The following CTAGE1 variants were observed in gnomAD, a reference collection of about 807,000 sequenced individuals.
The protein encoded by CTAGE1 is cutaneous T cell lymphoma-associated antigen 1.
For missense variants in CTAGE1, 963 were observed against 855.9 expected (o/e 1.13, Z -1.56); for synonymous variants, 332 against 302.8 (o/e 1.10, Z -1.00).
Position 22,415,631 on chromosome 18 carries a change from A to T in CTAGE1, c.2181T>A (p.Gly727=). The T allele has an allele frequency of 6.2e-7, 1 of 1,613,486 alleles. No homozygotes were observed. Among genetic ancestry groups the T allele is most frequent in the Non-Finnish European group, 8.5e-7 (1 of 1,179,868 alleles). Residue 727 remains glycine (G), a synonymous_variant, in exon 1 of 1, where the codon GGT becomes GGA. Coordinates refer to ENST00000391403, the MANE Select transcript of CTAGE1 (RefSeq NM_172241.3). ...FAMRNVYLPR[G]FLPYRPPRPA... is the part of the protein sequence containing the mutation. ...GTCTTGGGGGACGGTAAGGAAGAAA[A>T]CCTCTCGGTAAATAGACATTTCTCA... is the stretch of plus-strand genomic sequence containing the variant.
rs755487694 is a variant in CTAGE1, at chr18:22,417,762, C to T, written c.50G>A (p.Arg17His). ...AGCAAAAAATCCAGCAACAGCTGCA[C>T]GTATCACCAATTCCCATGGAAAACC... ...PYGFPWELVI[R>H]AAVAGFFAVL... Residue 17 changes from arginine (R) to histidine (H), a missense_variant, in exon 1 of 1, where the codon CGT becomes CAT. Transcript: ENST00000391403. 23 of 1,614,146 alleles carry T rather than the reference C, an allele frequency of 1.4e-5. No individual in the cohort carries two copies. The Admixed American group carries it at 2.2e-4, about 15-fold the overall frequency.
chr18:22,416,243 T>C lies in CTAGE1; in HGVS notation c.1569A>G (p.Gly523=). The C allele has an allele frequency of 6.2e-7, 1 of 1,613,832 alleles. No individual in the cohort carries two copies. The highest frequency in any genetic ancestry group is 8.5e-7 in the Non-Finnish European group (1 of 1,179,832). Residue 523 remains glycine, a synonymous_variant, in exon 1 of 1, where the codon GGA becomes GGG. Transcript: ENST00000391403. ...PLRLSPLLPR[G]GGRGSRGPGN... is the part of the protein sequence containing the mutation. Reference sequence around the variant, plus strand: ...CTGGGCCTCTGGAGCCTCTTCCTCCTCCCCGTGGAAGCAAAGGTGAGAGTC... The same window carrying C: ...CTGGGCCTCTGGAGCCTCTTCCTCCCCCCCGTGGAAGCAAAGGTGAGAGTC...
Position 22,414,356 on chromosome 18 carries a change from T to A in CTAGE1, c.*1218A>T, listed in dbSNP as rs889309267. On this transcript the variant is annotated 3_prime_UTR_variant, in exon 1 of 1. Transcript: ENST00000391403. The stretch of plus-strand genomic sequence containing the variant: ...CCCAGTGTACAATAAGGGCACCTCA[T>A]GTCTCAAATAGTTACTTTTCTTTTA... 5 of 304,746 alleles carry A rather than the reference T, an allele frequency of 1.6e-5. No individual in the cohort carries two copies. Among genetic ancestry groups the A allele is most frequent in the Non-Finnish European group, 3.0e-5 (5 of 165,714 alleles). 18.9% of individuals were successfully genotyped at this position (304,746 alleles called of 1,614,324 possible).
In CTAGE1 at chr18:22,416,330, A is replaced by AC; in HGVS notation, c.1481dup (p.Trp495LeufsTer5). On this transcript the variant is annotated frameshift_variant, in exon 1 of 1. Transcript: ENST00000391403. LOFTEE classifies it low-confidence loss of function (END_TRUNC). ...AAGCTCTCGTTTCAGATGAAGGCCA[A>AC]CCCAATGGTGAGGGACCATATGGGG... 1 of 1,613,994 alleles carries AC rather than the reference A, an allele frequency of 6.2e-7. No individual in the cohort carries two copies.
chr18:22,415,872 G>C lies in CTAGE1; in HGVS notation c.1940C>G (p.Ser647Ter). Residue 647 changes from serine to a stop codon, truncating the protein, a stop_gained, in exon 1 of 1, where the codon TCA (serine) becomes TGA (stop). Coordinates refer to ENST00000391403, the MANE Select transcript of CTAGE1 (RefSeq NM_172241.3). LOFTEE classifies it low-confidence loss of function (END_TRUNC). ...DNLGNLKVPDSSLPAENEATG... is the reference protein window; with the variant it reads ...DNLGNLKVPD ...TGCTTCATTTTCAGCGGGGAGAGATGAATCAGGCACCTTTAAATTACCAAG... is the reference window on the plus strand; with the variant it reads ...TGCTTCATTTTCAGCGGGGAGAGATCAATCAGGCACCTTTAAATTACCAAG... 1 of 1,613,924 alleles carries C rather than the reference G, an allele frequency of 6.2e-7. No individual in the cohort carries two copies. Among genetic ancestry groups the C allele is most frequent in the Non-Finnish European group, 8.5e-7 (1 of 1,179,854 alleles).
chr18:22,415,027 TA>T lies in CTAGE1; in HGVS notation c.*546del, dbSNP rs1225749206. The T allele has an allele frequency of 5.6e-6, 3 of 537,820 alleles. No individual in the cohort carries two copies. In the African/African-American group the frequency reaches 5.7e-5, roughly 10 times the overall value. 33.3% of individuals were successfully genotyped at this position (537,820 alleles called of 1,614,324 possible). A position where few individuals can be genotyped will look rare whatever the true frequency, so the allele number is the denominator to read the frequency against. On this transcript the variant is annotated 3_prime_UTR_variant, in exon 1 of 1. Transcript: ENST00000391403. The stretch of plus-strand genomic sequence containing the variant: ...CAGGAGATCCAAGATCATCTTGGTT[TA>T]AAGTGAAATATTCTAACAGTTACAT...
Position 22,416,749 on chromosome 18 carries a change from T to G in CTAGE1, c.1063A>C (p.Met355Leu), listed in dbSNP as rs1469499133. The G allele has an allele frequency of 6.2e-7, 1 of 1,612,640 alleles. No individual in the cohort carries two copies. The highest frequency in any genetic ancestry group is 1.1e-5 in the South Asian group (1 of 90,660). ...NQKLQQKLKV[M>L]TELYQENEMK... ...TCATTTTCTTGATATAATTCAGTCA[T>G]TACTTTAAGTTTCTGCTGAAGCTTC... The change falls in exon 1 of 1, where the codon ATG becomes CTG. Residue 355 changes from methionine to leucine, a missense_variant. Coordinates refer to ENST00000391403, the MANE Select transcript of CTAGE1 (RefSeq NM_172241.3).
At position 22,417,488 on chromosome 18, in the gene CTAGE1, A is replaced by G. The variant is rs1230896949; in HGVS notation, c.324T>C (p.Asn108=). 1.9e-6 allele frequency: 3 copies of G among 1,613,852 alleles called. No individual in the cohort carries two copies. The African/African-American group carries it at 4.0e-5, about 22-fold the overall frequency. The change falls in exon 1 of 1, where the codon AAT becomes AAC. Residue 108 remains asparagine, a synonymous_variant. Transcript: ENST00000391403. ...AGAGTATTTCATGCACAAGTTCAGA[A>G]TTGAACCTGTTCAGCTTTTCGCAGG... ...EATCEKLNRF[N]SELVHEILCL...
In CTAGE1 at chr18:22,415,817, A is replaced by G; in HGVS notation, c.1995T>C (p.Leu665=). Residue 665 remains leucine (L), a synonymous_variant, in exon 1 of 1, where the codon CTT becomes CTC. Transcript: ENST00000391403. ...ATGPGFVPPP[L]APIRGLLFPV... is the part of the protein sequence containing the mutation. Reference sequence around the variant, plus strand: ...GAAACAATAAACCTCTGATTGGAGCAAGAGGTGGAGGAACAAAGCCAGGGC... The same window carrying G: ...GAAACAATAAACCTCTGATTGGAGCGAGAGGTGGAGGAACAAAGCCAGGGC... The G allele has an allele frequency of 1.2e-6, 2 of 1,613,968 alleles. No individual in the cohort carries two copies. The highest frequency in any genetic ancestry group is 8.5e-7 in the Non-Finnish European group (1 of 1,179,858).
rs1225510913 is a variant in CTAGE1, at chr18:22,414,252, T to C, written c.*1322A>G. The C allele has an allele frequency of 4.4e-5, 7 of 157,332 alleles. No homozygotes were observed. Among genetic ancestry groups the C allele is most frequent in the Non-Finnish European group, 9.8e-5 (7 of 71,748 alleles). The allele number at this position is 157,332 out of a possible 1,614,324, so 9.7% of individuals were successfully genotyped here. On this transcript the variant is annotated 3_prime_UTR_variant, in exon 1 of 1. Transcript: ENST00000391403. ...GGAGTTAAATTTTTCCACTAGCAAA[T>C]AGGGCTTTAACAGAACAGAAGCATA...
chr18:22,417,835 C>T lies in CTAGE1; in HGVS notation c.-24G>A, dbSNP rs1179647705. On this transcript the variant is annotated 5_prime_UTR_variant, in exon 1 of 1. Transcript: ENST00000391403. ...ATACCTTCAGTCAGTGCTGCCACAA[C>T]CCTGCGTAGCAACTCCAGGACCAGC... 6.2e-7 allele frequency: 1 copy of T among 1,612,494 alleles called. No homozygotes were observed. The highest frequency in any genetic ancestry group is 1.7e-5 in the Admixed American group (1 of 60,016).
chr18:22,415,493 G>A lies in CTAGE1; in HGVS notation c.*81C>T, dbSNP rs2034997710. ...TTTGAAGAGGGCAAACATGTTGTTAGGTTTCTTGCTGTCGTTCTGGATGTT... is the reference window on the plus strand; with the variant it reads ...TTTGAAGAGGGCAAACATGTTGTTAAGTTTCTTGCTGTCGTTCTGGATGTT... On this transcript the variant is annotated 3_prime_UTR_variant, in exon 1 of 1. Transcript: ENST00000391403. 1 of 1,186,046 alleles carries A rather than the reference G, an allele frequency of 8.4e-7. No homozygotes were observed. The highest frequency in any genetic ancestry group is 1.2e-6 in the Non-Finnish European group (1 of 832,044). The allele number at this position is 1,186,046 out of a possible 1,614,324, so 73.5% of individuals were successfully genotyped here.
rs769843721 is a variant in CTAGE1, at chr18:22,416,010, G to A, written c.1802C>T (p.Ala601Val). 19 of 1,613,788 alleles carry A rather than the reference G, an allele frequency of 1.2e-5. No homozygotes were observed. The African/African-American group carries it at 1.2e-4, about 10-fold the overall frequency. The change falls in exon 1 of 1, where the codon GCT (alanine) becomes GTT (valine). Residue 601 changes from alanine (A) to valine (V), a missense_variant. Ala to Val is a moderately conservative substitution (Grantham distance 64). Coordinates refer to ENST00000391403, the MANE Select transcript of CTAGE1 (RefSeq NM_172241.3). ...GAGTTCTGCTGGTCCAGAGAGTCTA[G>A]CACAATTAGAATAAAATCTGTCTTG... ...QRQDRFYSNC[A>V]RLSGPAELRS...
chr18:22,415,556 T>G lies in CTAGE1; in HGVS notation c.*18A>C. On this transcript the variant is annotated 3_prime_UTR_variant, in exon 1 of 1. Coordinates refer to ENST00000391403, the MANE Select transcript of CTAGE1 (RefSeq NM_172241.3). Reference sequence around the variant, plus strand: ...CATTTGAAGTCGGACTCAACCCTGATGGAAACTCATTCTACCTTCAGAATG... The same window carrying G: ...CATTTGAAGTCGGACTCAACCCTGAGGGAAACTCATTCTACCTTCAGAATG... 6.4e-7 allele frequency: 1 copy of G among 1,566,570 alleles called. No homozygotes were observed. The highest frequency in any genetic ancestry group is 8.6e-7 in the Non-Finnish European group (1 of 1,156,270).
Position 22,416,201 on chromosome 18 carries a change from A to G in CTAGE1, c.1611T>C (p.His537=), listed in dbSNP as rs1331391805. The G allele has an allele frequency of 3.1e-6, 5 of 1,613,752 alleles. No individual in the cohort carries two copies. The highest frequency in any genetic ancestry group is 2.2e-5 in the East Asian group (1 of 44,868). ...ATTCTCCTCTTTCTTTGGTAATCTG[A>G]TGGTCCGGAGGATTCCCTGGGCCTC... The part of the protein sequence containing the change: ...GSRGPGNPPD[H]QITKERGESS... The change falls in exon 1 of 1, where the codon CAT becomes CAC. Residue 537 remains histidine (H), a synonymous_variant. Transcript: ENST00000391403.
In CTAGE1 at chr18:22,415,681, C is replaced by A; in HGVS notation, c.2131G>T (p.Gly711Cys). The A allele has an allele frequency of 6.2e-7, 1 of 1,614,078 alleles. No homozygotes were observed. The highest frequency in any genetic ancestry group is 8.5e-7 in the Non-Finnish European group (1 of 1,180,024). ...ATTGCAAATGGAGCACGTGGTGGAC[C>A]TGGGACATCCCTTGGAGAAAAATAA... ...PDYFSPRDVP[G>C]PPRAPFAMRN... The change falls in exon 1 of 1, where the codon GGT becomes TGT. Residue 711 changes from glycine to cysteine, a missense_variant. Transcript: ENST00000391403.
chr18:22,416,361 T>A lies in CTAGE1; in HGVS notation c.1451A>T (p.Gln484Leu). The change falls in exon 1 of 1, where the codon CAG (glutamine) becomes CTG (leucine). Residue 484 changes from glutamine to leucine, a missense_variant. Gln to Leu is a moderately radical substitution (Grantham distance 113). Transcript: ENST00000391403. ...TGGTGAGGGACCATATGGGGAATGC[T>A]GTCTGCCAAATGCTGTATTTGGAAC... ...LDVPNTAFGRQHSPYGPSPLG... is the reference protein window; with the variant it reads ...LDVPNTAFGRLHSPYGPSPLG... 2 of 1,614,046 alleles carry A rather than the reference T, an allele frequency of 1.2e-6. No homozygotes were observed. Among genetic ancestry groups the A allele is most frequent in the East Asian group, 4.5e-5 (2 of 44,892 alleles).
In CTAGE1 at chr18:22,415,111, A is replaced by G. The variant is rs12327453; in HGVS notation, c.*463T>C. The G allele has an allele frequency of 4.2e-6, 1 of 236,542 alleles. No individual in the cohort carries two copies. Among genetic ancestry groups the G allele is most frequent in the African/African-American group, 2.2e-5 (1 of 44,738 alleles). The allele number at this position is 236,542 out of a possible 1,614,324, so 14.7% of individuals were successfully genotyped here. Reference sequence around the variant, plus strand: ...ATATTTCTTTTTTTAAATTTTTTAAATTTTTTTAATCAACTAAAACTTATT... The same window carrying G: ...ATATTTCTTTTTTTAAATTTTTTAAGTTTTTTTAATCAACTAAAACTTATT... On this transcript the variant is annotated 3_prime_UTR_variant, in exon 1 of 1. Coordinates refer to ENST00000391403, the MANE Select transcript of CTAGE1 (RefSeq NM_172241.3).
At position 22,416,101 on chromosome 18, in the gene CTAGE1, C is replaced by A; in HGVS notation, c.1711G>T (p.Asp571Tyr). 1 of 1,613,934 alleles carries A rather than the reference C, an allele frequency of 6.2e-7. No homozygotes were observed. Reference protein sequence around the residue: ...AGPLAPPWEQDYRMMFPPPGQ... With the variant: ...AGPLAPPWEQYYRMMFPPPGQ... ...GGTGGAGGAAACATCATCCTATAGT[C>A]CTGTTCCCACGGAGGTGCCAGGGGC... The change falls in exon 1 of 1, where the codon GAC becomes TAC. Residue 571 changes from aspartate (D) to tyrosine (Y), a missense_variant. Transcript: ENST00000391403.
Sources: gnomAD v4.1 joint callset for allele counts on GRCh38, gnomAD v4.1.1 for gene constraint, MANE v1.5 for transcripts, NCBI Gene and HGNC (gene_info 2026-07-23, HGNC 2026-07-21) for gene names.